Variants in TEX9 observed in about 807,000 individuals in gnomAD.
TEX9 encodes testis expressed 9, also known as testis-expressed protein 9.
A neutral mutation model predicts 59.6 loss-of-function variants in TEX9; 74 were observed. The observed-to-expected ratio is 1.24, with a 90% CI of 1.03 to 1.51. The LOEUF (loss-of-function observed/expected upper bound fraction) is 1.51, where lower values mean the gene tolerates loss of function less well. TEX9 is among the 40% of genes most tolerant of loss of function. TEX9 has a pLI of 0.00. For missense variants in TEX9, 522 were observed against 447.8 expected, an observed-to-expected ratio of 1.17 and a Z score of -1.49; for synonymous variants, 186 against 152.2, an observed-to-expected ratio of 1.22 and a Z score of -1.64.
intron 12 of TEX9, chr15:56,444,580 T>C (rs1188767009): frequency 1.9e-5 from 30 of 1,613,242 alleles, no homozygotes; most frequent in East Asian, 6.7e-5. Context: ...TACTGTGCTT[T>C]CGCTTTGTTT....
chr15:56,342,889 A>G (rs2046400339), intron 1 of TEX9, among the ~76,000 whole-genome samples: 1 of 152,188 alleles, frequency 6.6e-6, no homozygotes, highest in Admixed American at 6.6e-5. Context: ...AAGTCCAAAC[A>G]TTGTTAGCCA....
At chr15:56,391,492 T>A in intron 7 of TEX9, 74 bp downstream of exon 7, 1 of 1,069,744 alleles carries the variant, frequency 9.3e-7, no homozygotes, top group Non-Finnish European at 1.3e-6. Flanking sequence ...GGGGAACTAT[T>A]TCTTCCATTT....
exon 1 of TEX9, chr15:56,244,033 G>A (rs1332264581): frequency 6.6e-6 from 1 of 151,132 alleles, no homozygotes; most frequent in Non-Finnish European, 1.5e-5. Flanking sequence ...GCCGCTGGGG[G>A]CCGGGAGGAG....
the TEX9 span, among the ~76,000 whole-genome samples, chr15:56,458,833 C>G: frequency 6.6e-6 from 1 of 152,182 alleles, no homozygotes; most frequent in Admixed American, 6.5e-5. Flanking sequence ...GGATGTATCA[C>G]AGTTTATCCA....
chr15:56,453,112 CATT>C, the TEX9 span, among the ~76,000 whole-genome samples: 1 of 152,026 alleles, frequency 6.6e-6, no homozygotes, highest in African/African-American at 2.4e-5. Context: ...TAAATTTATT[CATT>C]ATTATTTGAC....
intron 9 of TEX9, chr15:56,396,566 C>G (rs1353576850): frequency 3.3e-5 from 2 of 60,848 alleles, no homozygotes; most frequent in African/African-American, 1.4e-4. Flanking sequence ...ACTTTTGAAT[C>G]TGTTTTTTTT....
intron 2 of TEX9, among the ~76,000 whole-genome samples, chr15:56,372,720 AATGG>A (rs1167264573): frequency 1.3e-5 from 2 of 152,308 alleles, no homozygotes; most frequent in African/African-American, 4.8e-5. Flanking sequence ...TAAAAATAAA[AATGG>A]ATGGTGGTGG....
intron 1 of TEX9, chr15:56,248,902 G>T (rs980345664): frequency 6.6e-6 from 1 of 152,216 alleles, no homozygotes; most frequent in Admixed American, 6.5e-5. Flanking sequence ...GTCTGAACAG[G>T]TGGGGCCTAA....
chr15:56,350,246 A>T (rs935872501), intron 1 of TEX9, among the ~76,000 whole-genome samples: 3 of 152,230 alleles, frequency 2.0e-5, no homozygotes, highest in Admixed American at 6.5e-5. Context: ...ATATATACAT[A>T]CATTATGTTT....
At chr15:56,412,414 G>A (rs751915537) in exon 10 of TEX9, 4 of 1,610,994 alleles carry the variant, frequency 2.5e-6, no homozygotes, top group South Asian at 1.1e-5. Context: ...CTGGAGTTAA[G>A]TAAATTAAGG....
chr15:56,272,161 C>G (rs2682062), intron 1 of TEX9, among the ~76,000 whole-genome samples: 71,104 of 151,064 alleles, frequency 0.47, 17,021 homozygotes, highest in Non-Finnish European at 0.53. Context: ...AAAAAATGTA[C>G]AATTTAGTGG....
At chr15:56,347,861 A>G (rs1056316240) in intron 1 of TEX9, among the ~76,000 whole-genome samples, 16 of 152,100 alleles carry the variant, frequency 1.1e-4, no homozygotes, top group African/African-American at 3.9e-4. Context: ...TACAAGCAAC[A>G]CTTTTTATAA....
the TEX9 span, among the ~76,000 whole-genome samples, chr15:56,454,000 T>TAC: frequency 6.6e-6 from 1 of 152,182 alleles, no homozygotes; most frequent in South Asian, 2.1e-4. Flanking sequence ...CAATTTGAAA[T>TAC]ACAGTCCATT....
intron 9 of TEX9, among the ~76,000 whole-genome samples, chr15:56,400,350 A>G (rs1481969097): frequency 1.3e-5 from 2 of 152,218 alleles, no homozygotes; most frequent in Admixed American, 6.5e-5. Context: ...ACAAGCTTCA[A>G]TAGCCAATTT....
chr15:56,338,284 A>G (rs1452801978), intron 1 of TEX9, among the ~76,000 whole-genome samples: 4 of 152,346 alleles, frequency 2.6e-5, no homozygotes, highest in African/African-American at 9.6e-5. Context: ...CTCTTTGGAA[A>G]AATAGTACCA....
At chr15:56,298,452 G>A (rs1488985630) in intron 1 of TEX9, among the ~76,000 whole-genome samples, 1 of 152,174 alleles carries the variant, frequency 6.6e-6, no homozygotes, top group Non-Finnish European at 1.5e-5. Flanking sequence ...TATGTAGGAA[G>A]TATAGACTTG....
chr15:56,426,398 G>C (rs185003087), intron 10 of TEX9, among the ~76,000 whole-genome samples: 3 of 151,324 alleles, frequency 2.0e-5, no homozygotes, highest in Admixed American at 2.0e-4. Flanking sequence ...TCTTAGTTAG[G>C]CAGTCTCTTG....
chr15:56,299,106 G>C (rs2045282722), intron 1 of TEX9, among the ~76,000 whole-genome samples: 1 of 152,172 alleles, frequency 6.6e-6, no homozygotes. Flanking sequence ...CATTATATCA[G>C]TGAAAGAAGA....
chr15:56,329,391 A>C (rs1408544895), intron 1 of TEX9, among the ~76,000 whole-genome samples: 12 of 152,186 alleles, frequency 7.9e-5, no homozygotes, highest in Non-Finnish European at 1.6e-4. Flanking sequence ...GAACATCAAC[A>C]AACATCAAGA....
Sources: allele counts gnomAD v4.1 joint callset (sites outside exome capture counted in the v4.1 genomes callset), GRCh38; gene constraint gnomAD v4.1.1; transcripts MANE v1.5; gene names NCBI Gene and HGNC (gene_info 2026-07-23, HGNC 2026-07-21).